Variants in RASA1 observed in about 807,000 individuals in gnomAD.
RASA1 encodes the protein ras GTPase-activating protein 1.
In RASA1, 25 loss-of-function variants were observed where a neutral mutation model predicts 132.2. The ratio of observed to expected loss-of-function variants is 0.19; its 90% CI spans 0.14 to 0.26. RASA1 has a LOEUF of 0.26. Ranked by LOEUF, RASA1 falls within the 10% of genes least tolerant of loss-of-function variation. The probability of loss-of-function intolerance (pLI) is 1.00; values close to 1 mark genes in which losing one functional copy is unlikely to be tolerated. For missense variants in RASA1, 964 were observed against 1,299.2 expected (o/e 0.74, Z 3.97); for synonymous variants, 477 against 449.9 (o/e 1.06, Z -0.76).
At chr5:87,361,815 CT>C (rs1274397317) in intron 9 of RASA1, among the ~76,000 whole-genome samples, 1 of 151,918 alleles carries the variant, frequency 6.6e-6, no homozygotes, top group African/African-American at 2.4e-5. Flanking sequence ...AAGAAAGAAC[CT>C]AATATAAATA....
chr5:87,385,415 TGTAATTTA>T (rs781678286), intron 22 of RASA1, 26 bp downstream of exon 22: 1 of 1,510,072 alleles, frequency 6.6e-7, no homozygotes, highest in Admixed American at 1.7e-5. Context: ...TACTTTAAAA[TGTAATTTA>T]TGAATGCAAG....
intron 1 of RASA1, among the ~76,000 whole-genome samples, chr5:87,312,315 TTAGA>T (rs1411285595): frequency 1.2e-4 from 18 of 152,206 alleles, no homozygotes; most frequent in African/African-American, 3.9e-4. Flanking sequence ...TTCTGTTAAG[TTAGA>T]TAGTAAACAT....
Position 87,372,111 on chromosome 5 carries a change from T to C in RASA1, c.1699-7T>C. The C allele has an allele frequency of 6.2e-7, 1 of 1,612,622 alleles. No homozygotes were observed. Among genetic ancestry groups the C allele is most frequent in the South Asian group, 1.1e-5 (1 of 90,710 alleles). On this transcript the variant is annotated splice_region_variant and splice_polypyrimidine_tract_variant and intron_variant, in intron 12 of 24. Coordinates refer to ENST00000274376, the MANE Select transcript of RASA1 (RefSeq NM_002890.3). ...ATATTTCTTTGAAGTGCTGTTTTTC[T>C]TTGCAGGATTGGATGAAAGGTCTGC...
intron 2 of RASA1, among the ~76,000 whole-genome samples, chr5:87,331,895 C>T (rs1008215520): frequency 6.6e-6 from 1 of 152,004 alleles, no homozygotes; most frequent in Non-Finnish European, 1.5e-5. Context: ...TAAAACTCTT[C>T]GCAGACATGC....
chr5:87,357,411 T>C (rs1025697293), intron 9 of RASA1, among the ~76,000 whole-genome samples: 99 of 152,256 alleles, frequency 6.5e-4, no homozygotes, highest in African/African-American at 2.2e-3. Flanking sequence ...CTCTTTGAGT[T>C]AGTGATTTTA....
At chr5:87,323,852 T>G (rs1231251961) in intron 1 of RASA1, among the ~76,000 whole-genome samples, 5 of 152,108 alleles carry the variant, frequency 3.3e-5, no homozygotes, top group Non-Finnish European at 7.4e-5. Context: ...TTTCAGGAAA[T>G]GTATGCTAAA....
At chr5:87,331,690 CAA>C (rs769485861) in intron 2 of RASA1, among the ~76,000 whole-genome samples, 190 bp downstream of exon 2, 14 of 152,038 alleles carry the variant, frequency 9.2e-5, no homozygotes, top group Admixed American at 2.0e-4. Flanking sequence ...TGTTTAAAAA[CAA>C]TATTGTTGGG....
intron 21 of RASA1, among the ~76,000 whole-genome samples, chr5:87,384,245 C>G (rs76205670): frequency 0.013 from 2,001 of 152,170 alleles, 33 homozygotes; most frequent in African/African-American, 0.045. Context: ...TTTTTAAAGT[C>G]ACCAGTTATA....
At chr5:87,333,028 T>G (rs1757707335) in intron 3 of RASA1, among the ~76,000 whole-genome samples, 1 of 152,116 alleles carries the variant, frequency 6.6e-6, no homozygotes, top group Non-Finnish European at 1.5e-5. Context: ...AATGAAATGA[T>G]CATTCATATT....
chr5:87,290,591 G>A (rs1354127314), intron 1 of RASA1, among the ~76,000 whole-genome samples: 1 of 152,086 alleles, frequency 6.6e-6, no homozygotes, highest in African/African-American at 2.4e-5. Flanking sequence ...CCCACATTGT[G>A]GTGTCATACA....
intron 24 of RASA1, among the ~76,000 whole-genome samples, chr5:87,389,831 AT>A (rs1037278711): frequency 6.6e-6 from 1 of 151,266 alleles, no homozygotes; most frequent in Non-Finnish European, 1.5e-5. Context: ...TATTGATTTT[AT>A]TTTTTTTTCT....
chr5:87,268,574 C>T lies in RASA1; in HGVS notation c.123C>T (p.Ala41=), dbSNP rs1223196760. ...TGTGTCGGGTGAAGATACCCGCGGC[C>T]CTGCCTGTGGCAGCCGCCCCCTATC... is the stretch of plus-strand genomic sequence containing the variant. ...PAVCRVKIPA[A]LPVAAAPYPG... The change falls in exon 1 of 25, where the codon GCC becomes GCT. Residue 41 remains alanine (A), a synonymous_variant. Transcript: ENST00000274376. The T allele has an allele frequency of 1.9e-6, 3 of 1,608,952 alleles. No individual in the cohort carries two copies. The highest frequency in any genetic ancestry group is 1.7e-6 in the Non-Finnish European group (2 of 1,178,584).
intron 24 of RASA1, among the ~76,000 whole-genome samples, chr5:87,390,112 C>A (rs1762389689): frequency 6.6e-6 from 1 of 152,162 alleles, no homozygotes; most frequent in African/African-American, 2.4e-5. Context: ...CAAACAGATA[C>A]AGATAAGGAT....
intron 1 of RASA1, among the ~76,000 whole-genome samples, chr5:87,323,127 TA>T (rs1297320195): frequency 6.6e-6 from 1 of 152,150 alleles, no homozygotes; most frequent in African/African-American, 2.4e-5. Flanking sequence ...TGACTGTGAA[TA>T]AATACAGAAA....
chr5:87,364,689 C>T (rs1361538891), intron 11 of RASA1, among the ~76,000 whole-genome samples: 1 of 152,080 alleles, frequency 6.6e-6, no homozygotes, highest in Non-Finnish European at 1.5e-5. Flanking sequence ...ACTCTGCACC[C>T]TTCTTGTGGG....
At chr5:87,272,108 G>A (rs1258849390) in intron 1 of RASA1, among the ~76,000 whole-genome samples, 2 of 150,840 alleles carry the variant, frequency 1.3e-5, no homozygotes, top group African/African-American at 4.9e-5. Flanking sequence ...GAGATCTGCC[G>A]TTGCACTCTA....
chr5:87,307,084 GT>G (rs1755651507), intron 1 of RASA1, among the ~76,000 whole-genome samples: 1 of 152,088 alleles, frequency 6.6e-6, no homozygotes, highest in Non-Finnish European at 1.5e-5. Flanking sequence ...GTCCAGGCTG[GT>G]ATTGAACTCC....
intron 8 of RASA1, among the ~76,000 whole-genome samples, chr5:87,351,887 G>GTACC (rs1251693286): frequency 1.3e-5 from 2 of 151,686 alleles, no homozygotes; most frequent in Non-Finnish European, 3.0e-5. Context: ...TAACATTGAG[G>GTACC]TGCTACAGTG....
At chr5:87,337,887 TC>T (rs1758088121) in intron 4 of RASA1, 86 bp from the exon 5 acceptor site, 3 of 1,357,942 alleles carry the variant, frequency 2.2e-6, no homozygotes, top group Non-Finnish European at 3.0e-6. Flanking sequence ...TATAATACTA[TC>T]CCTATCCTAT....
Sources: allele counts gnomAD v4.1 joint callset (sites outside exome capture counted in the v4.1 genomes callset), GRCh38; gene constraint gnomAD v4.1.1; transcripts MANE v1.5; gene names NCBI Gene and HGNC (gene_info 2026-07-23, HGNC 2026-07-21).